AGO3: variants seen among roughly 807,000 people sequenced by gnomAD.
AGO3 encodes the protein argonaute RISC catalytic component 3.
AGO3 carries 16 observed loss-of-function variants against 105.5 expected under a neutral mutation model. The ratio of observed to expected loss-of-function variants is 0.15; its 90% CI spans 0.10 to 0.23. The LOEUF (loss-of-function observed/expected upper bound fraction) is 0.23, where lower values mean the gene tolerates loss of function less well. Among genes scored for constraint, AGO3 ranks in the 10% least tolerant of loss-of-function variants. The pLI is 1.00. For synonymous variants in AGO3, 340 were observed against 367.3 expected (o/e 0.93, Z 0.85); for missense variants, 534 against 1,088.0 (o/e 0.49, Z 7.16).
rs1399228712 is a variant in AGO3, at chr1:35,935,766, G to A, written c.19+4321G>A. Among the ~76,000 whole-genome samples the A allele has an allele frequency of 3.3e-5, 5 of 152,118 alleles. No individual in the cohort carries two copies. The East Asian group carries it at 9.6e-4, about 29-fold the overall frequency. On this transcript the variant is annotated intron_variant, in intron 1 of 18. Coordinates refer to ENST00000373191, the MANE Select transcript of AGO3 (RefSeq NM_024852.4). Reference sequence around the variant, plus strand: ...TAATATAGCCATCTAGTTTCACATCGGTTTCTATATTCTTAAAATACTTGA... The same window carrying A: ...TAATATAGCCATCTAGTTTCACATCAGTTTCTATATTCTTAAAATACTTGA...
intron 2 of AGO3, among the ~76,000 whole-genome samples, chr1:35,958,553 C>A (rs1189067262): frequency 6.6e-6 from 1 of 151,210 alleles, no homozygotes; most frequent in East Asian, 1.9e-4. Flanking sequence ...CCCAGCTACT[C>A]GGGAGGTTGA....
chr1:36,021,102 T>G (rs1419022430), intron 11 of AGO3, among the ~76,000 whole-genome samples: 1 of 151,988 alleles, frequency 6.6e-6, no homozygotes, highest in African/African-American at 2.4e-5. Flanking sequence ...CTGGCTAATT[T>G]TTTGTATTTT....
At chr1:36,030,394 T>C (rs939484255) in intron 12 of AGO3, among the ~76,000 whole-genome samples, 1 of 151,796 alleles carries the variant, frequency 6.6e-6, no homozygotes, top group Non-Finnish European at 1.5e-5. Context: ...TCCTAGCTAC[T>C]TGGGAGGCTG....
intron 5 of AGO3, among the ~76,000 whole-genome samples, chr1:35,987,837 AG>A (rs974790032): frequency 8.6e-5 from 13 of 151,900 alleles, no homozygotes; most frequent in African/African-American, 2.9e-4. Context: ...TGGAAGGCCT[AG>A]GTGGGCAGAT....
intron 2 of AGO3, among the ~76,000 whole-genome samples, chr1:35,948,132 G>A (rs1646401570): frequency 6.6e-6 from 1 of 151,918 alleles, no homozygotes; most frequent in Non-Finnish European, 1.5e-5. Context: ...GGGCTTGAGG[G>A]ATGTCAATTC....
chr1:36,045,604 G>A (rs1642435089), intron 17 of AGO3, among the ~76,000 whole-genome samples: 2 of 151,488 alleles, frequency 1.3e-5, no homozygotes, highest in Admixed American at 6.6e-5. Context: ...GTGTAATGGC[G>A]TGATCTCAGC....
At chr1:35,938,806 C>G (rs1171182645) in intron 1 of AGO3, among the ~76,000 whole-genome samples, 1 of 151,882 alleles carries the variant, frequency 6.6e-6, no homozygotes, top group African/African-American at 2.4e-5. Flanking sequence ...TAGTAATTGG[C>G]TATAGTATAT....
In AGO3 at chr1:36,003,694, C is replaced by CAAAAAAAAAAAA. The variant is rs1209511459; in HGVS notation, c.659-642_659-631dup. 1.9e-4 allele frequency among the ~76,000 whole-genome samples: 10 copies of CAAAAAAAAAAAA among 53,460 alleles called. 1 individual carries two copies. Among genetic ancestry groups the CAAAAAAAAAAAA allele is most frequent in the South Asian group, 1.5e-3 (2 of 1,312 alleles). 35.1% of individuals were successfully genotyped at this position (53,460 alleles called of 152,430 possible). On this transcript the variant is annotated intron_variant, in intron 5 of 18. Coordinates refer to ENST00000373191, the MANE Select transcript of AGO3 (RefSeq NM_024852.4). ...GGGAAACAAGAGTGAAAGTCTGTCT[C>CAAAAAAAAAAAA]AAAAAAAAAAAAAAAATATATATAT...
intron 1 of AGO3, among the ~76,000 whole-genome samples, chr1:35,943,301 CTTTT>C (rs533801617): frequency 8.0e-6 from 1 of 124,404 alleles, no homozygotes; most frequent in Non-Finnish European, 1.7e-5. Flanking sequence ...CCATGCCCAT[CTTTT>C]TTTTTTTTTT....
rs1642907603 is a variant in AGO3 at position 36,056,053 on chromosome 1, G to A, written c.*308G>A. Reference sequence around the variant, plus strand: ...TTAATGCCTTTACCTCAAGTTGCTTGGCAGCACAACTATCTTTGCAAAAAA... The same window carrying A: ...TTAATGCCTTTACCTCAAGTTGCTTAGCAGCACAACTATCTTTGCAAAAAA... On this transcript the variant is annotated 3_prime_UTR_variant, in exon 19 of 19. Coordinates refer to ENST00000373191, the MANE Select transcript of AGO3 (RefSeq NM_024852.4). 4.8e-6 allele frequency: 1 copy of A among 208,576 alleles called. No individual in the cohort carries two copies. Among genetic ancestry groups the A allele is most frequent in the African/African-American group, 2.3e-5 (1 of 43,562 alleles). 12.9% of individuals were successfully genotyped at this position (208,576 alleles called of 1,614,324 possible). A position where few individuals can be genotyped will look rare whatever the true frequency, so the allele number is the denominator to read the frequency against.
intron 2 of AGO3, among the ~76,000 whole-genome samples, chr1:35,961,962 C>CA (rs1646684443): frequency 6.6e-6 from 1 of 152,010 alleles, no homozygotes; most frequent in Non-Finnish European, 1.5e-5. Flanking sequence ...ATTACAGTTA[C>CA]CCTTATTATG....
chr1:35,994,042 ATTTTTTT>A (rs759085356), intron 5 of AGO3, among the ~76,000 whole-genome samples: 31 of 65,840 alleles, frequency 4.7e-4, no homozygotes, highest in East Asian at 1.8e-3. Context: ...CTGCGCCCAG[ATTTTTTT>A]TTTTTTTTTT....
intron 5 of AGO3, among the ~76,000 whole-genome samples, chr1:35,995,692 T>C (rs1648265618): frequency 1.3e-5 from 2 of 152,174 alleles, no homozygotes; most frequent in Admixed American, 1.3e-4. Flanking sequence ...ATTTTTTTCT[T>C]CTTTCGAGAC....
rs553647992 is a variant in AGO3, at chr1:36,050,721, G to A, written c.2275-4225G>A. 2.0e-5 allele frequency among the ~76,000 whole-genome samples: 3 copies of A among 150,008 alleles called. No individual in the cohort carries two copies. In the East Asian group the frequency reaches 5.9e-4, roughly 29 times the overall value. ...GCAGGAGAATCGCTTGAACCCAGGA[G>A]GCAGAGATTGCAGAGCCGAGATCAC... On this transcript the variant is annotated intron_variant, in intron 17 of 18. Coordinates refer to ENST00000373191, the MANE Select transcript of AGO3 (RefSeq NM_024852.4).
At position 36,008,588 on chromosome 1, in the gene AGO3, G is replaced by T. The variant is rs1001981854; in HGVS notation, c.794-102G>T. The T allele has an allele frequency of 4.8e-6, 5 of 1,043,484 alleles. No individual in the cohort carries two copies. The Admixed American group carries it at 1.3e-4, about 27-fold the overall frequency. The allele number at this position is 1,043,484 out of a possible 1,614,324, so 64.6% of individuals were successfully genotyped here. On this transcript the variant is annotated intron_variant, in intron 6 of 18. Transcript: ENST00000373191. The surrounding 1 kb of genome is among the most constrained non-coding windows in gnomAD (Gnocchi z 5.1). ...TCTTGCCTGTATCACAGAATTTTTTGTCTGTTCAGAATTGAGTTTTTATGG... is the reference window on the plus strand; with the variant it reads ...TCTTGCCTGTATCACAGAATTTTTTTTCTGTTCAGAATTGAGTTTTTATGG...
At chr1:36,035,877 C>G (rs1641980299) in intron 13 of AGO3, among the ~76,000 whole-genome samples, 1 of 151,698 alleles carries the variant, frequency 6.6e-6, no homozygotes, top group African/African-American at 2.4e-5. Flanking sequence ...CTAAAAAATA[C>G]AAAAAATTAG....
At chr1:35,981,957 T>G (rs1436993403) in intron 5 of AGO3, among the ~76,000 whole-genome samples, 1 of 152,230 alleles carries the variant, frequency 6.6e-6, no homozygotes, top group Non-Finnish European at 1.5e-5. Context: ...TACTTAGAAG[T>G]TGGCATTTTT....
intron 11 of AGO3, among the ~76,000 whole-genome samples, chr1:36,017,423 A>ACTT (rs1640962777): frequency 6.6e-6 from 1 of 152,236 alleles, no homozygotes; most frequent in South Asian, 2.1e-4. Flanking sequence ...CTGCACAGAT[A>ACTT]CTTCTGTTTA....
chr1:35,977,916 C>G (rs1332678770), intron 5 of AGO3, among the ~76,000 whole-genome samples: 5 of 151,960 alleles, frequency 3.3e-5, no homozygotes, highest in African/African-American at 9.6e-5. Context: ...TTTTAGAAAA[C>G]AAAATGTATT....
Sources: allele counts gnomAD v4.1 joint callset (sites outside exome capture counted in the v4.1 genomes callset), GRCh38; gene constraint gnomAD v4.1.1; non-coding constraint Gnocchi (gnomAD v3.1); transcripts MANE v1.5; gene names NCBI Gene and HGNC (gene_info 2026-07-23, HGNC 2026-07-21).